Variants in PLXNA2 observed in about 807,000 individuals in gnomAD.
PLXNA2 encodes plexin-A2.
Under a neutral mutation model 193.5 loss-of-function variants are expected in PLXNA2, and 91 were observed. The observed-to-expected ratio is 0.47, with a 90% CI of 0.40 to 0.56. PLXNA2 has a LOEUF of 0.56. PLXNA2 is among the 20% of genes least tolerant of loss of function. PLXNA2 has a pLI of 0.00. For missense variants in PLXNA2, 1,995 were observed against 2,503.2 expected, an observed-to-expected ratio of 0.80 and a Z score of 4.33; for synonymous variants, 997 against 1,027.3, an observed-to-expected ratio of 0.97 and a Z score of 0.56.
chr1:208,140,402 G>T (rs899170687), intron 4 of PLXNA2, among the ~76,000 whole-genome samples: 16 of 152,080 alleles, frequency 1.1e-4, no homozygotes, highest in African/African-American at 3.9e-4. Context: ...AGGTCTCATT[G>T]GTCACTTCTT....
chr1:208,103,370 C>A, intron 4 of PLXNA2, 123 bp from the exon 5 acceptor site: 1 of 711,796 alleles, frequency 1.4e-6, no homozygotes, highest in Non-Finnish European at 2.3e-6. Flanking sequence ...TGATACTGGG[C>A]GGCAAGTCAT....
chr1:208,098,456 TCTCACACACACA>T (rs1666985766), intron 6 of PLXNA2, among the ~76,000 whole-genome samples: 1 of 109,198 alleles, frequency 9.2e-6, no homozygotes, highest in Middle Eastern at 5.5e-3. Context: ...TCTCTCTCTC[TCTCACACACACA>T]CACACACACA....
rs1461911724 is a variant in PLXNA2 at position 208,048,930 on chromosome 1, C to T, written c.3255+2079G>A. ...GAGCGTGCCTTTCATATGCACGAAC[C>T]AATCCAGACCCCACAGCTCAACTGC... On this transcript the variant is annotated intron_variant, in intron 17 of 31. Transcript: ENST00000367033. Among the ~76,000 whole-genome samples the T allele has an allele frequency of 3.9e-5, 6 of 152,304 alleles. No homozygotes were observed. The East Asian group carries it at 1.2e-3, about 29-fold the overall frequency.
chr1:208,131,381 C>A (rs1486384810), intron 4 of PLXNA2, among the ~76,000 whole-genome samples: 1 of 152,208 alleles, frequency 6.6e-6, no homozygotes, highest in Non-Finnish European at 1.5e-5. Context: ...CAAAACGAAT[C>A]AGACTCTCGG....
intron 1 of PLXNA2, among the ~76,000 whole-genome samples, chr1:208,224,172 C>T (rs981058718): frequency 6.6e-6 from 1 of 152,104 alleles, no homozygotes; most frequent in Non-Finnish European, 1.5e-5. Context: ...CGGGTAATGC[C>T]GACGGCTGAA....
chr1:208,200,722 C>T (rs1348685673), intron 3 of PLXNA2, among the ~76,000 whole-genome samples: 1 of 151,894 alleles, frequency 6.6e-6, no homozygotes, highest in Admixed American at 6.6e-5. Context: ...CCTCAGCCTC[C>T]TTAGTAGCTG....
At chr1:208,227,797 G>A (rs1056744079) in intron 1 of PLXNA2, among the ~76,000 whole-genome samples, 1 of 152,146 alleles carries the variant, frequency 6.6e-6, no homozygotes, top group Non-Finnish European at 1.5e-5. Flanking sequence ...CTCTCATCCA[G>A]TCTTCACTGT....
chr1:208,056,227 G>A (rs772215084), intron 13 of PLXNA2, among the ~76,000 whole-genome samples: 2 of 152,210 alleles, frequency 1.3e-5, no homozygotes, highest in Non-Finnish European at 2.9e-5. Flanking sequence ...AGCTCCAGGG[G>A]AGAATCAACT....
intron 6 of PLXNA2, among the ~76,000 whole-genome samples, chr1:208,097,439 C>T (rs1412745087): frequency 6.6e-6 from 1 of 152,184 alleles, no homozygotes; most frequent in African/African-American, 2.4e-5. Context: ...TCCATGTGGG[C>T]TCTCTGTTCT....
At position 208,112,399 on chromosome 1, in the gene PLXNA2, T is replaced by C. The variant is rs973944994; in HGVS notation, c.1507-9152A>G. The stretch of plus-strand genomic sequence containing the variant: ...ATCAGCTGTATGACACTAAGTAAGA[T>C]GCTGGACTTTCTTGAGCTTTAGTTT... On this transcript the variant is annotated intron_variant, in intron 4 of 31. Coordinates refer to ENST00000367033, the MANE Select transcript of PLXNA2 (RefSeq NM_025179.4). 1.8e-4 allele frequency among the ~76,000 whole-genome samples: 28 copies of C among 152,248 alleles called. 1 individual carries two copies. The highest frequency in any genetic ancestry group is 1.4e-3 in the Admixed American group (22 of 15,288).
chr1:208,195,829 A>AT (rs1289481892), intron 3 of PLXNA2, among the ~76,000 whole-genome samples: 1 of 151,518 alleles, frequency 6.6e-6, no homozygotes, highest in Non-Finnish European at 1.5e-5. Context: ...GGTTGGGCAT[A>AT]TTTTTTCCTT....
chr1:208,082,600 T>G lies in PLXNA2; in HGVS notation c.2299-92A>C, dbSNP rs1266789121. 7.2e-5 allele frequency: 62 copies of G among 862,730 alleles called. No homozygotes were observed. The highest frequency in any genetic ancestry group is 1.1e-4 in the Non-Finnish European group (56 of 525,406). 53.4% of individuals were successfully genotyped at this position (862,730 alleles called of 1,614,324 possible). On this transcript the variant is annotated intron_variant, in intron 10 of 31. Transcript: ENST00000367033. This position sits in a 1 kb window ranked among gnomAD's most constrained non-coding sequence, Gnocchi z 4.2. ...CAAACCCTGCATGCTGCTCAGATTA[T>G]TATGACGCTCTTTCCCTGAATCCCA...
At position 208,052,452 on chromosome 1, in the gene PLXNA2, C is replaced by T; in HGVS notation, c.2868G>A (p.Val956=). The T allele has an allele frequency of 6.2e-7, 1 of 1,614,066 alleles. No individual in the cohort carries two copies. The highest frequency in any genetic ancestry group is 8.5e-7 in the Non-Finnish European group (1 of 1,179,988). ...GACCTCGGATTGGGTTGAGTGACAGCACAGAAGGGTTCTTTGGAAAGAAGC... is the reference window on the plus strand; with the variant it reads ...GACCTCGGATTGGGTTGAGTGACAGTACAGAAGGGTTCTTTGGAAAGAAGC... ...HQQYTFVNPS[V]LSLNPIRGPE... is the part of the protein sequence containing the mutation. The change falls in exon 15 of 32, where the codon GTG becomes GTA. Residue 956 remains valine, a synonymous_variant. Transcript: ENST00000367033.
chr1:208,084,331 T>A, intron 10 of PLXNA2, 49 bp downstream of exon 10: 1 of 1,586,622 alleles, frequency 6.3e-7, no homozygotes, highest in Non-Finnish European at 8.6e-7. Flanking sequence ...CCAGCACGAG[T>A]GTGAGAGGAA....
intron 1 of PLXNA2, among the ~76,000 whole-genome samples, chr1:208,237,882 T>G (rs1011586197): frequency 6.6e-6 from 1 of 152,220 alleles, no homozygotes; most frequent in Non-Finnish European, 1.5e-5. Context: ...CTATTACTTT[T>G]TCATCCTTGT....
chr1:208,130,674 A>G (rs1668119332), intron 4 of PLXNA2, among the ~76,000 whole-genome samples: 1 of 152,078 alleles, frequency 6.6e-6, no homozygotes, highest in South Asian at 2.1e-4. Context: ...ACTCTTGATG[A>G]TTGGCACAGG....
chr1:208,077,290 C>T (rs1666190751), intron 12 of PLXNA2, among the ~76,000 whole-genome samples: 1 of 152,196 alleles, frequency 6.6e-6, no homozygotes, highest in African/African-American at 2.4e-5. Flanking sequence ...GATATGTTCA[C>T]TGGGAAAATC....
rs905302181 is a variant in PLXNA2, at chr1:208,038,241, C to G, written c.4764+130G>C. The G allele has an allele frequency of 7.6e-5, 53 of 697,392 alleles. No individual in the cohort carries two copies. Among genetic ancestry groups the G allele is most frequent in the Non-Finnish European group, 1.3e-5 (5 of 382,792 alleles). The allele number at this position is 697,392 out of a possible 1,614,324, so 43.2% of individuals were successfully genotyped here. A position where few individuals can be genotyped will look rare whatever the true frequency, so the allele number is the denominator to read the frequency against. Reference sequence around the variant, plus strand: ...GCAGCCATGGCTAAGAATCCCTGTTCTATGCTCCAGCAGGAGGAGGAAAGC... The same window carrying G: ...GCAGCCATGGCTAAGAATCCCTGTTGTATGCTCCAGCAGGAGGAGGAAAGC... On this transcript the variant is annotated intron_variant, in intron 26 of 31. Coordinates refer to ENST00000367033, the MANE Select transcript of PLXNA2 (RefSeq NM_025179.4). This position sits in a 1 kb window ranked among gnomAD's most constrained non-coding sequence, Gnocchi z 4.1.
At chr1:208,072,473 C>T (rs1490304631) in intron 12 of PLXNA2, among the ~76,000 whole-genome samples, 1 of 152,228 alleles carries the variant, frequency 6.6e-6, no homozygotes, top group Non-Finnish European at 1.5e-5. Context: ...ACCCTGATCT[C>T]TGTTCTTGCC....
Sources: gnomAD v4.1 joint callset for allele counts (sites outside exome capture counted in the v4.1 genomes callset) on GRCh38, gnomAD v4.1.1 for gene constraint, Gnocchi (gnomAD v3.1) non-coding constraint, MANE v1.5 for transcripts, NCBI Gene and HGNC (gene_info 2026-07-23, HGNC 2026-07-21) for gene names.